Variants in MAX observed in about 807,000 individuals in gnomAD.
MAX encodes MYC associated transcriptional regulator X.
In MAX, 3 loss-of-function variants were observed where a neutral mutation model predicts 22.3. The observed-to-expected ratio is 0.13, with a 90% CI of 0.06 to 0.35. MAX has a LOEUF of 0.35. Among genes scored for constraint, MAX ranks in the 10% least tolerant of loss-of-function variants. MAX has a pLI of 1.00. For synonymous variants in MAX, 72 were observed against 77.7 expected (o/e 0.93, Z 0.39); for missense variants, 119 against 209.4 (o/e 0.57, Z 2.66).
intron 3 of MAX, chr14:65,015,702 G>T (rs1298155034): frequency 1.2e-6 from 2 of 1,614,184 alleles, no homozygotes; most frequent in Admixed American, 3.3e-5. Flanking sequence ...CCATCCCCCA[G>T]ATAGTGGCTA....
chr14:65,017,384 C>A (rs2061796078), intron 3 of MAX, among the ~76,000 whole-genome samples: 1 of 152,106 alleles, frequency 6.6e-6, no homozygotes, highest in South Asian at 2.1e-4. Context: ...TTTCTGTGAG[C>A]CTGGATCTGA....
At chr14:65,080,947 G>A (rs527823483) in intron 3 of MAX, among the ~76,000 whole-genome samples, 2 of 152,344 alleles carry the variant, frequency 1.3e-5, no homozygotes, top group Non-Finnish European at 2.9e-5. Flanking sequence ...AAAGTGAGCA[G>A]TAAGCACAGC....
At position 65,084,158 on chromosome 14, in the gene MAX, A is replaced by G. The variant is rs774846934; in HGVS notation, c.172-6122T>C. On this transcript the variant is annotated intron_variant, in intron 3 of 4. Coordinates refer to ENST00000358664, the MANE Select transcript of MAX (RefSeq NM_002382.5). This position sits in a 1 kb window ranked among gnomAD's most constrained non-coding sequence, Gnocchi z 4.3. ...AAAGCCAGGAGTAAGACATTTGTGT[A>G]AGGGGTCAAAACAATCATTTTTTAA... 2 of 1,613,244 alleles carry G rather than the reference A, an allele frequency of 1.2e-6. No individual in the cohort carries two copies. The highest frequency in any genetic ancestry group is 1.7e-5 in the Admixed American group (1 of 60,014).
rs559326025 is a variant in MAX at position 65,009,361 on chromosome 14, C to T, written c.172-3077G>A. Among the ~76,000 whole-genome samples the T allele has an allele frequency of 6.6e-6, 1 of 151,310 alleles. No homozygotes were observed. The highest frequency in any genetic ancestry group is 1.9e-4 in the East Asian group (1 of 5,180). On this transcript the variant is annotated intron_variant, in intron 3 of 3. Transcript: ENST00000341653. The surrounding 1 kb of genome is among the most constrained non-coding windows in gnomAD (Gnocchi z 4.2). ...ATTTCACTGGCGCTTCACTAACTGCCTTATAATCCTTTTATTCGTCTCATG... is the reference window on the plus strand; with the variant it reads ...ATTTCACTGGCGCTTCACTAACTGCTTTATAATCCTTTTATTCGTCTCATG...
intron 3 of MAX, among the ~76,000 whole-genome samples, chr14:65,038,604 C>T (rs943244575): frequency 8.9e-5 from 13 of 145,962 alleles, no homozygotes; most frequent in African/African-American, 3.3e-4. Flanking sequence ...TGTAATCCCA[C>T]GTACTCAGGA....
At chr14:65,033,345 C>T (rs1036695289) in intron 3 of MAX, among the ~76,000 whole-genome samples, 1 of 152,134 alleles carries the variant, frequency 6.6e-6, no homozygotes, top group Non-Finnish European at 1.5e-5. Context: ...AATATAAAAA[C>T]ATGTATACGA....
rs552860845 is a variant in MAX at position 65,054,785 on chromosome 14, T to A, written c.171+38923A>T. 1.3e-4 allele frequency: 169 copies of A among 1,346,220 alleles called. No individual in the cohort carries two copies. The highest frequency in any genetic ancestry group is 1.7e-4 in the Non-Finnish European group (162 of 975,966). The allele number at this position is 1,346,220 out of a possible 1,614,324, so 83.4% of individuals were successfully genotyped here. On this transcript the variant is annotated intron_variant, in intron 3 of 3. Coordinates refer to the MAX transcript ENST00000341653. The surrounding 1 kb of genome is among the most constrained non-coding windows in gnomAD (Gnocchi z 4.4). ...CAGAACTGGCTCTGCATTTCCTGTG[T>A]GGACAGGCGGAAGCTTGTGGTCCCT...
At chr14:65,083,980 G>T in intron 3 of MAX, 1 of 1,442,820 alleles carries the variant, frequency 6.9e-7, no homozygotes. Context: ...CCCCATCAAT[G>T]CCAGCAAAGG....
Position 65,047,830 on chromosome 14 carries a change from G to A in MAX, c.172-41546C>T, listed in dbSNP as rs779852379. 1.6e-4 allele frequency among the ~76,000 whole-genome samples: 24 copies of A among 152,312 alleles called. No homozygotes were observed. The highest frequency in any genetic ancestry group is 5.1e-4 in the African/African-American group (21 of 41,556). On this transcript the variant is annotated intron_variant, in intron 3 of 3. Transcript: ENST00000341653. This position sits in a 1 kb window ranked among gnomAD's most constrained non-coding sequence, Gnocchi z 5.2. ...AGCTCTGCAAGATACAACATGAAGT[G>A]TAAGGGGGCGGGGCCTGGAGCAGTG...
rs143213616 is a variant in MAX at position 65,097,811 on chromosome 14, A to C, written c.63+3735T>G. Among the ~76,000 whole-genome samples the C allele has an allele frequency of 1.1e-3, 160 of 152,334 alleles. No individual in the cohort carries two copies. In the East Asian group the frequency reaches 0.026, roughly 25 times the overall value. ...CATTTTAATCAACCCAAAAATTATA[A>C]CATAAAATAATAGGCAGGTAGGATG... On this transcript the variant is annotated intron_variant, in intron 2 of 4. Coordinates refer to ENST00000358664, the MANE Select transcript of MAX (RefSeq NM_002382.5).
At chr14:65,071,332 C>T (rs1351898600), downstream of MAX, among the ~76,000 whole-genome samples, 1 of 152,068 alleles carries the variant, frequency 6.6e-6, no homozygotes. The surrounding 1 kb of genome is among the most constrained non-coding windows in gnomAD (Gnocchi z 4.2). Flanking sequence ...TTAGTAGAGA[C>T]GGGGTTTCAC....
rs767435014 is a variant in MAX, at chr14:65,006,209, C to T, written c.247G>A (p.Gly83Ser). The T allele has an allele frequency of 1.1e-5, 17 of 1,610,798 alleles. No individual in the cohort carries two copies. In the South Asian group the frequency reaches 1.8e-4, roughly 17 times the overall value. Reference sequence around the variant, plus strand: ...CCTTAAGAAACTTTTTCTGATTAGCCATGGCAGAAAACAGTTGGAAAAGGC... The same window carrying T: ...CCTTAAGAAACTTTTTCTGATTAGCTATGGCAGAAAACAGTTGGAAAAGGC... Residue 83 changes from glycine to serine, a missense_variant, in exon 4 of 4, where the codon GGC becomes AGC. Physicochemically the swap from Gly to Ser is moderately conservative, Grantham distance 56. Coordinates refer to the MAX transcript ENST00000341653.
In MAX at chr14:65,075,700, ACCCTCCC is replaced by A; in HGVS notation, c.*769_*775del. Reference sequence around the variant, plus strand: ...ACAAAACCTCTATGCCACCCAAAACACCCTCCCTGTCCCAACCCCAAATGGCCACTCC... The same window carrying A: ...ACAAAACCTCTATGCCACCCAAAACATGTCCCAACCCCAAATGGCCACTCC... On this transcript the variant is annotated 3_prime_UTR_variant, in exon 5 of 5. Coordinates refer to ENST00000358664, the MANE Select transcript of MAX (RefSeq NM_002382.5). The surrounding 1 kb of genome is among the most constrained non-coding windows in gnomAD (Gnocchi z 4.1). The A allele has an allele frequency of 2.8e-6, 3 of 1,065,864 alleles. No homozygotes were observed. The highest frequency in any genetic ancestry group is 3.4e-6 in the Non-Finnish European group (3 of 879,678). The allele number at this position is 1,065,864 out of a possible 1,614,324, so 66.0% of individuals were successfully genotyped here. A position where few individuals can be genotyped will look rare whatever the true frequency, so the allele number is the denominator to read the frequency against.
intron 3 of MAX, among the ~76,000 whole-genome samples, chr14:65,067,046 T>TCATC (rs2062938549): frequency 2.7e-5 from 4 of 150,048 alleles, no homozygotes; most frequent in Middle Eastern, 3.2e-3. Context: ...ATTAGTCGGA[T>TCATC]GCGGTGGCAC....
intron 3 of MAX, chr14:65,061,612 G>A (rs2062866769): frequency 3.4e-6 from 1 of 298,082 alleles, no homozygotes; most frequent in East Asian, 6.4e-5. Flanking sequence ...CAGCCAGGAC[G>A]ATCACACAGA....
intron 3 of MAX, among the ~76,000 whole-genome samples, chr14:65,045,789 GTAAGCAGAGCCTC>G (rs1466850858): frequency 3.3e-5 from 5 of 152,146 alleles, no homozygotes; most frequent in Non-Finnish European, 7.3e-5. Context: ...CTGAATTAAA[GTAAGCAGAGCCTC>G]TGTCCCATTT....
chr14:65,076,285 G>A lies in MAX; in HGVS notation c.*191C>T, dbSNP rs569443301. 6.9e-7 allele frequency: 1 copy of A among 1,453,830 alleles called. No homozygotes were observed. Among genetic ancestry groups the A allele is most frequent in the East Asian group, 2.5e-5 (1 of 40,126 alleles). The allele number at this position is 1,453,830 out of a possible 1,614,324, so 90.1% of individuals were successfully genotyped here. A position where few individuals can be genotyped will look rare whatever the true frequency, so the allele number is the denominator to read the frequency against. ...AAGGGAATACATTAAAAAATATACA[G>A]TGGAAATGGGGAAGGAGAACGAGAG... On this transcript the variant is annotated 3_prime_UTR_variant, in exon 5 of 5. Coordinates refer to ENST00000358664, the MANE Select transcript of MAX (RefSeq NM_002382.5). The surrounding 1 kb of genome is among the most constrained non-coding windows in gnomAD (Gnocchi z 6.6).
rs143516398 is a variant in MAX, at chr14:65,026,617, G to T, written c.172-20333C>A. 5.2e-3 allele frequency among the ~76,000 whole-genome samples: 794 copies of T among 152,234 alleles called. 10 individuals carry two copies. Among genetic ancestry groups the T allele is most frequent in the East Asian group, 0.038 (198 of 5,178 alleles). On this transcript the variant is annotated intron_variant, in intron 3 of 3. Coordinates refer to the MAX transcript ENST00000341653. ...GCTCACACCTGTAATCCCAGCACTT[G>T]CAGAGGCTGCGGCGGGTGGATCACT... is the stretch of plus-strand genomic sequence containing the variant.
intron 3 of MAX, among the ~76,000 whole-genome samples, chr14:65,091,593 C>G (rs1331773623): frequency 6.6e-6 from 1 of 152,214 alleles, no homozygotes; most frequent in Non-Finnish European, 1.5e-5. Context: ...CCCAGGAATG[C>G]TTACAGGTTC....
Sources: gnomAD v4.1 joint callset for allele counts (sites outside exome capture counted in the v4.1 genomes callset) on GRCh38, gnomAD v4.1.1 for gene constraint, Gnocchi (gnomAD v3.1) non-coding constraint, MANE v1.5 for transcripts, NCBI Gene and HGNC (gene_info 2026-07-23, HGNC 2026-07-21) for gene names.